The following EXD1 variants were observed in gnomAD, a reference collection of about 807,000 sequenced individuals.
EXD1 encodes the protein piRNA biogenesis protein EXD1.
Under a neutral mutation model 49.1 loss-of-function variants are expected in EXD1, and 63 were observed. That is an observed-to-expected ratio of 1.28 (90% confidence interval 1.05 to 1.58). The LOEUF (loss-of-function observed/expected upper bound fraction) is 1.58. Ranked by LOEUF, EXD1 falls within the 40% of genes most tolerant of loss-of-function variation. EXD1 has a pLI of 0.00. For synonymous variants in EXD1, 234 were observed against 239.2 expected (o/e 0.98, Z 0.20); for missense variants, 748 against 666.0 (o/e 1.12, Z -1.36).
In EXD1 at chr15:41,195,873, A is replaced by G; in HGVS notation, c.640-18T>C. 3 of 1,612,402 alleles carry G rather than the reference A, an allele frequency of 1.9e-6. No individual in the cohort carries two copies. The South Asian group carries it at 3.3e-5, about 18-fold the overall frequency. ...TGGATAACCTAAGGAATCAGAAGGA[A>G]ACAGTCATTAGAACCTGGCTGCTAA... On this transcript the variant is annotated intron_variant, in intron 8 of 11. Coordinates refer to ENST00000458580, the MANE Select transcript of EXD1 (RefSeq NM_001286441.2).
intron 7 of EXD1, among the ~76,000 whole-genome samples, chr15:41,199,424 A>C (rs1168788803): frequency 7.0e-6 from 1 of 142,362 alleles, no homozygotes; most frequent in East Asian, 2.0e-4. Context: ...AGAGTCTTTC[A>C]AAAAAAAAAA....
At chr15:41,204,283 G>T (rs2046787291) in intron 7 of EXD1, among the ~76,000 whole-genome samples, 1 of 150,214 alleles carries the variant, frequency 6.7e-6, no homozygotes, top group South Asian at 2.1e-4. Flanking sequence ...AGGCACGGTG[G>T]CCCACGCCTG....
intron 6 of EXD1, among the ~76,000 whole-genome samples, chr15:41,214,702 T>C (rs1420920292): frequency 6.6e-6 from 1 of 152,124 alleles, no homozygotes; most frequent in Non-Finnish European, 1.5e-5. Flanking sequence ...CCAGGAATAT[T>C]TCAGCCTCAG....
In EXD1 at chr15:41,186,962, G is replaced by A. The variant is rs1452395409; in HGVS notation, c.1057-2369C>T. On this transcript the variant is annotated intron_variant, in intron 11 of 11. Coordinates refer to ENST00000458580, the MANE Select transcript of EXD1 (RefSeq NM_001286441.2). ...TGCAATGGCGTGATCTCAGCTCACC[G>A]CAACCTCCGCCTCCCAGGTTCAAGC... Among the ~76,000 whole-genome samples the A allele has an allele frequency of 5.4e-5, 8 of 147,354 alleles. No homozygotes were observed. In the South Asian group the frequency reaches 6.5e-4, roughly 12 times the overall value.
chr15:41,200,369 A>T (rs2046709176), intron 7 of EXD1, among the ~76,000 whole-genome samples: 1 of 152,068 alleles, frequency 6.6e-6, no homozygotes, highest in Admixed American at 6.6e-5. Flanking sequence ...CTAAAAATAC[A>T]AAAATTAGTT....
chr15:41,208,344 G>A (rs1055584195), intron 7 of EXD1, among the ~76,000 whole-genome samples: 1 of 126,948 alleles, frequency 7.9e-6, no homozygotes, highest in African/African-American at 3.0e-5. Context: ...GACCAGCCTG[G>A]ACAATATAGG....
At chr15:41,227,745 T>C (rs2047185149) in intron 1 of EXD1, among the ~76,000 whole-genome samples, 1 of 148,246 alleles carries the variant, frequency 6.7e-6, no homozygotes, top group South Asian at 2.1e-4. Context: ...TACTAAGAAA[T>C]ATTATTCATA....
intron 9 of EXD1, 144 bp downstream of exon 9, chr15:41,195,631 T>C: frequency 3.9e-6 from 2 of 511,754 alleles, no homozygotes; most frequent in Non-Finnish European, 6.6e-6. Context: ...TGTACAAACA[T>C]TTTACATGAA....
At chr15:41,185,818 G>T (rs767133660) in intron 11 of EXD1, among the ~76,000 whole-genome samples, 1 of 152,006 alleles carries the variant, frequency 6.6e-6, no homozygotes, top group African/African-American at 2.4e-5. Context: ...ACCACACCCG[G>T]CATCCGATTA....
chr15:41,229,480 C>T (rs1328566921), intron 1 of EXD1, among the ~76,000 whole-genome samples: 1 of 151,544 alleles, frequency 6.6e-6, no homozygotes, highest in Non-Finnish European at 1.5e-5. Flanking sequence ...CGCAAAAAAA[C>T]AAAACAAGCC....
chr15:41,196,251 AT>A (rs1282420042), intron 7 of EXD1, among the ~76,000 whole-genome samples: 2 of 151,498 alleles, frequency 1.3e-5, no homozygotes, highest in Admixed American at 1.3e-4. Context: ...AGTTCAAGCA[AT>A]TCTCCTGCCT....
At chr15:41,189,748 T>C (rs1363620474) in intron 11 of EXD1, among the ~76,000 whole-genome samples, 189 bp downstream of exon 11, 2 of 152,142 alleles carry the variant, frequency 1.3e-5, no homozygotes, top group African/African-American at 2.4e-5. Flanking sequence ...GAAGTATTTC[T>C]TGGATACCTA....
At chr15:41,187,824 T>C (rs980727039) in intron 11 of EXD1, among the ~76,000 whole-genome samples, 1 of 151,984 alleles carries the variant, frequency 6.6e-6, no homozygotes, top group Non-Finnish European at 1.5e-5. Context: ...GAGACCAGTC[T>C]GACCAACATG....
chr15:41,204,962 G>A (rs1015658706), intron 7 of EXD1, among the ~76,000 whole-genome samples: 1 of 152,056 alleles, frequency 6.6e-6, no homozygotes, highest in Admixed American at 6.6e-5. Context: ...TAGACAGACA[G>A]GCCTTGCTGG....
intron 3 of EXD1, 34 bp downstream of exon 3, chr15:41,219,796 G>C (rs2047058007): frequency 1.4e-6 from 2 of 1,473,218 alleles, no homozygotes; most frequent in Admixed American, 4.0e-5. Context: ...TGAAATCTCA[G>C]TACTAGCATT....
At chr15:41,207,190 G>A (rs2046843972) in intron 7 of EXD1, among the ~76,000 whole-genome samples, 6 of 151,578 alleles carry the variant, frequency 4.0e-5, no homozygotes, top group Admixed American at 3.9e-4. Flanking sequence ...GCAGTGAGCT[G>A]AGATTGTGCC....
At chr15:41,197,249 A>C (rs1207868693) in intron 7 of EXD1, among the ~76,000 whole-genome samples, 1 of 143,162 alleles carries the variant, frequency 7.0e-6, no homozygotes, top group Non-Finnish European at 1.5e-5. Flanking sequence ...TTTTTTTGAG[A>C]CGGAGTCTTG....
At chr15:41,230,404 C>T in intron 1 of EXD1, 75 bp downstream of exon 1, 7 of 1,501,530 alleles carry the variant, frequency 4.7e-6, no homozygotes, top group Non-Finnish European at 6.5e-6. Context: ...TCAAAACAAA[C>T]AATACACCAT....
intron 7 of EXD1, among the ~76,000 whole-genome samples, chr15:41,202,170 T>TG (rs993227930): frequency 6.7e-5 from 10 of 149,468 alleles, no homozygotes; most frequent in East Asian, 3.9e-4. Context: ...ATATATATTT[T>TG]TTTTAATTTA....
Sources: gnomAD v4.1 joint callset for allele counts (sites outside exome capture counted in the v4.1 genomes callset) on GRCh38, gnomAD v4.1.1 for gene constraint, MANE v1.5 for transcripts, NCBI Gene and HGNC (gene_info 2026-07-23, HGNC 2026-07-21) for gene names.